Variants in ANTXRL observed in about 807,000 individuals in gnomAD.
The protein encoded by ANTXRL is anthrax toxin receptor-like.
Under a neutral mutation model 75.4 loss-of-function variants are expected in ANTXRL, and 63 were observed. The ratio of observed to expected loss-of-function variants is 0.84; its 90% CI spans 0.68 to 1.03. The LOEUF (loss-of-function observed/expected upper bound fraction) is 1.03, where lower values mean the gene tolerates loss of function less well. ANTXRL is among the 50% of genes least tolerant of loss of function. The probability of loss-of-function intolerance (pLI) is 0.00; values close to 1 mark genes in which losing one functional copy is unlikely to be tolerated. For missense variants in ANTXRL, 797 were observed against 789.4 expected (o/e 1.01, Z -0.12); for synonymous variants, 335 against 291.3 (o/e 1.15, Z -1.53).
intron 16 of ANTXRL, among the ~76,000 whole-genome samples, chr10:46,316,867 T>C (rs937774109): frequency 7.9e-5 from 12 of 152,150 alleles, no homozygotes; most frequent in African/African-American, 2.9e-4. Flanking sequence ...GGAATTTTTC[T>C]GGGTACTTCA....
At chr10:46,303,257 G>T (rs1447974964) in intron 10 of ANTXRL, among the ~76,000 whole-genome samples, 1 of 152,192 alleles carries the variant, frequency 6.6e-6, no homozygotes, top group Non-Finnish European at 1.5e-5. Flanking sequence ...TGTTTACCTT[G>T]CACTGAGGGA....
chr10:46,306,860 A>G lies in ANTXRL; in HGVS notation c.953A>G (p.Glu318Gly). ...NSMNCPGPKLEKPGEEYSIEV... is the reference protein window; with the variant it reads ...NSMNCPGPKLGKPGEEYSIEV... ...ATGAATTGCCCTGGGCCAAAACTAG[A>G]AAAACCTGGAGAGTAAGTGCCCCTG... is the stretch of plus-strand genomic sequence containing the variant. The change falls in exon 11 of 17, where the codon GAA (glutamate) becomes GGA (glycine). Residue 318 changes from glutamate to glycine, a missense_variant. Physicochemically the swap from Glu to Gly is moderately conservative, Grantham distance 98. Coordinates refer to ENST00000620264, the MANE Select transcript of ANTXRL (RefSeq NM_001278688.3). 6.5e-7 allele frequency: 1 copy of G among 1,529,766 alleles called. No homozygotes were observed. Among genetic ancestry groups the G allele is most frequent in the Non-Finnish European group, 8.7e-7 (1 of 1,144,262 alleles). The allele number at this position is 1,529,766 out of a possible 1,614,324, so 94.8% of individuals were successfully genotyped here.
upstream of ANTXRL, chr10:46,286,869 T>A (rs782407328): frequency 3.8e-6 from 1 of 262,606 alleles, no homozygotes; most frequent in Non-Finnish European, 7.3e-6. Context: ...AGGGCTGTTA[T>A]AAGGGAAATG....
intron 1 of ANTXRL, among the ~76,000 whole-genome samples, chr10:46,290,920 T>G (rs1373415730): frequency 6.6e-6 from 1 of 152,182 alleles, no homozygotes; most frequent in Non-Finnish European, 1.5e-5. Flanking sequence ...TGTCCTTTGA[T>G]GCACAAAAGT....
intron 9 of ANTXRL, among the ~76,000 whole-genome samples, chr10:46,301,306 C>A (rs4926079): frequency 1.3e-5 from 2 of 152,110 alleles, no homozygotes; most frequent in South Asian, 4.1e-4. Context: ...GGAGAGGACC[C>A]CAGGCTTGCC....
At chr10:46,307,272 C>T in intron 11 of ANTXRL, 130 bp from the exon 12 acceptor site, 1 of 718,406 alleles carries the variant, frequency 1.4e-6, no homozygotes, top group Non-Finnish European at 2.4e-6. Flanking sequence ...GACCCACTTA[C>T]CCTTTGGTCA....
At chr10:46,307,291 A>G (rs1565035078) in intron 11 of ANTXRL, 111 bp from the exon 12 acceptor site, 4 of 806,260 alleles carry the variant, frequency 5.0e-6, no homozygotes, top group Non-Finnish European at 8.2e-6. Context: ...CATCATTGCT[A>G]AGTTTACCTG....
chr10:46,301,926 A>C (rs1451274088), intron 9 of ANTXRL, among the ~76,000 whole-genome samples: 1 of 152,066 alleles, frequency 6.6e-6, no homozygotes. Flanking sequence ...ACCTGCGGGA[A>C]CCCTGGCTGG....
At chr10:46,307,273 C>G in intron 11 of ANTXRL, 129 bp from the exon 12 acceptor site, 1 of 722,262 alleles carries the variant, frequency 1.4e-6, no homozygotes, top group Non-Finnish European at 2.4e-6. Context: ...ACCCACTTAC[C>G]CTTTGGTCAT....
rs1398782995 is a variant in ANTXRL at position 46,291,981 on chromosome 10, A to G, written c.249-77A>G. On this transcript the variant is annotated intron_variant, in intron 1 of 16. Transcript: ENST00000620264. ...GAGAGCTTGTTAAGAGCCTGCTGGGAGGCTGGGGGCGGGGCAGACACTTGC... is the reference window on the plus strand; with the variant it reads ...GAGAGCTTGTTAAGAGCCTGCTGGGGGGCTGGGGGCGGGGCAGACACTTGC... The G allele has an allele frequency of 2.2e-6, 3 of 1,366,510 alleles. No individual in the cohort carries two copies. In the East Asian group the frequency reaches 7.5e-5, roughly 34 times the overall value. The allele number at this position is 1,366,510 out of a possible 1,614,324, so 84.6% of individuals were successfully genotyped here. A position where few individuals can be genotyped will look rare whatever the true frequency, so the allele number is the denominator to read the frequency against.
chr10:46,329,712 C>T lies in ANTXRL; in HGVS notation c.1524C>T (p.Cys508=). The T allele has an allele frequency of 6.5e-7, 1 of 1,535,392 alleles. No homozygotes were observed. The highest frequency in any genetic ancestry group is 2.0e-5 in the Admixed American group (1 of 50,924). The change falls in exon 17 of 17, where the codon TGC becomes TGT. Residue 508 remains cysteine, a synonymous_variant. Transcript: ENST00000620264. ...QECLSLPQAP[C]SPRMCLRHSR... The stretch of plus-strand genomic sequence containing the variant: ...GCCTTTCCCTACCACAGGCTCCCTG[C>T]AGCCCAAGGATGTGCCTGAGACACA...
chr10:46,316,864 T>C (rs1274235135), intron 16 of ANTXRL, among the ~76,000 whole-genome samples: 2 of 152,156 alleles, frequency 1.3e-5, no homozygotes, highest in Admixed American at 6.5e-5. Flanking sequence ...CAGGGAATTT[T>C]TCTGGGTACT....
chr10:46,307,424 T>C lies in ANTXRL; in HGVS notation c.988T>C (p.Leu330=), dbSNP rs782685883. 33 of 1,536,120 alleles carry C rather than the reference T, an allele frequency of 2.1e-5. No individual in the cohort carries two copies. Among genetic ancestry groups the C allele is most frequent in the Non-Finnish European group, 2.8e-5 (32 of 1,146,752 alleles). Residue 330 remains leucine (L), a synonymous_variant, in exon 12 of 17, where the codon TTG becomes CTG. Transcript: ENST00000620264. The part of the protein sequence containing the change: ...PGEEYSIEVS[L]NKGKTFFKSN... ...TAGGGAGTACTCTATTGAAGTCAGC[T>C]TGAACAAAGGCAAAACATTCTTCAA...
intron 10 of ANTXRL, among the ~76,000 whole-genome samples, chr10:46,305,051 T>G (rs1837989594): frequency 6.6e-6 from 1 of 152,214 alleles, no homozygotes; most frequent in Admixed American, 6.5e-5. Context: ...AAGAAACTTA[T>G]TTTTTAAAAT....
intron 16 of ANTXRL, among the ~76,000 whole-genome samples, chr10:46,323,097 T>C (rs1249756897): frequency 6.6e-6 from 1 of 152,180 alleles, no homozygotes; most frequent in Admixed American, 6.5e-5. Context: ...TCCAAAAGTA[T>C]GTCTTCTATT....
intron 16 of ANTXRL, among the ~76,000 whole-genome samples, chr10:46,326,955 A>G (rs1399748535): frequency 6.6e-6 from 1 of 152,064 alleles, no homozygotes; most frequent in Non-Finnish European, 1.5e-5. Flanking sequence ...AAGGGACCCC[A>G]ACTCTGTGCT....
intron 10 of ANTXRL, among the ~76,000 whole-genome samples, 159 bp downstream of exon 10, chr10:46,302,979 G>A (rs782304753): frequency 2.6e-5 from 4 of 152,154 alleles, no homozygotes; most frequent in East Asian, 3.9e-4. Flanking sequence ...TGGGAAGGCC[G>A]GTCACCCCTC....
At chr10:46,306,930 C>T (rs1207881097) in intron 11 of ANTXRL, 58 bp downstream of exon 11, 39 of 1,401,604 alleles carry the variant, frequency 2.8e-5, no homozygotes, top group Non-Finnish European at 3.5e-5. Context: ...GGGTTGGGCA[C>T]CTTGAGGTGT....
intron 12 of ANTXRL, 41 bp downstream of exon 12, chr10:46,307,521 T>C: frequency 1.3e-6 from 2 of 1,488,548 alleles, no homozygotes; most frequent in Non-Finnish European, 1.8e-6. Context: ...ATGAGGACTG[T>C]CCAGAGCCTC....
Sources: allele counts gnomAD v4.1 joint callset (sites outside exome capture counted in the v4.1 genomes callset), GRCh38; gene constraint gnomAD v4.1.1; transcripts MANE v1.5; gene names NCBI Gene and HGNC (gene_info 2026-07-23, HGNC 2026-07-21).